ZBTB20: variants seen among roughly 807,000 people sequenced by gnomAD.
The protein encoded by ZBTB20 is zinc finger and BTB domain-containing protein 20.
A neutral mutation model predicts 56.9 loss-of-function variants in ZBTB20; 9 were observed. The observed-to-expected ratio is 0.16, with a 90% CI of 0.10 to 0.28. ZBTB20 has a LOEUF of 0.28. ZBTB20 is among the 10% of genes least tolerant of loss of function. The pLI is 1.00. For missense variants in ZBTB20, 655 were observed against 1,003.0 expected, an observed-to-expected ratio of 0.65 and a Z score of 4.69; for synonymous variants, 417 against 420.7, an observed-to-expected ratio of 0.99 and a Z score of 0.11.
At chr3:114,342,067 G>A (rs952212334) in intron 11 of ZBTB20, among the ~76,000 whole-genome samples, 1 of 152,204 alleles carries the variant, frequency 6.6e-6, no homozygotes, top group Admixed American at 6.5e-5. Flanking sequence ...TTAAGGTGCT[G>A]TGATGGTGAA....
intron 7 of ZBTB20, among the ~76,000 whole-genome samples, chr3:114,480,604 G>A (rs1216820662): frequency 6.6e-6 from 1 of 152,174 alleles, no homozygotes; most frequent in South Asian, 2.1e-4. Context: ...GGTCAGGTTT[G>A]AACTGAAGAA....
At chr3:114,425,385 C>A (rs569201638) in intron 7 of ZBTB20, among the ~76,000 whole-genome samples, 1 of 152,314 alleles carries the variant, frequency 6.6e-6, no homozygotes, top group South Asian at 2.1e-4. Flanking sequence ...CTGCTTACTT[C>A]GACCACATCT....
intron 1 of ZBTB20, among the ~76,000 whole-genome samples, chr3:115,110,025 C>T (rs2108623861): frequency 6.6e-6 from 1 of 152,228 alleles, no homozygotes; most frequent in East Asian, 1.9e-4. Context: ...GCCTGGCCAA[C>T]ATGGCGAAAC....
intron 5 of ZBTB20, among the ~76,000 whole-genome samples, chr3:114,769,422 C>CAT (rs1027523232): frequency 5.3e-5 from 8 of 150,824 alleles, no homozygotes; most frequent in Admixed American, 2.0e-4. Flanking sequence ...ACTATTCCAT[C>CAT]ATATATATAT....
intron 5 of ZBTB20, among the ~76,000 whole-genome samples, chr3:114,703,260 C>T (rs1351118756): frequency 5.9e-5 from 9 of 152,092 alleles, no homozygotes; most frequent in African/African-American, 9.7e-5. Context: ...AGGAGGAACA[C>T]GTATTCTGGT....
chr3:114,475,812 C>T (rs2040687538), intron 7 of ZBTB20, among the ~76,000 whole-genome samples: 1 of 152,058 alleles, frequency 6.6e-6, no homozygotes, highest in Non-Finnish European at 1.5e-5. Context: ...ACACCCTCAT[C>T]AATAGAAACA....
intron 6 of ZBTB20, among the ~76,000 whole-genome samples, chr3:114,562,928 T>C (rs925792937): frequency 2.0e-5 from 3 of 152,190 alleles, no homozygotes; most frequent in Non-Finnish European, 2.9e-5. Context: ...CAAAGATCAC[T>C]AATCACAAAT....
intron 7 of ZBTB20, among the ~76,000 whole-genome samples, chr3:114,393,278 A>C (rs2086047545): frequency 6.6e-6 from 1 of 152,236 alleles, no homozygotes; most frequent in Non-Finnish European, 1.5e-5. Flanking sequence ...TAAAATCATA[A>C]AGGAAATCAC....
chr3:114,999,400 T>A (rs1365389179), intron 2 of ZBTB20, among the ~76,000 whole-genome samples: 1 of 151,672 alleles, frequency 6.6e-6, no homozygotes, highest in African/African-American at 2.4e-5. Context: ...TGAGGGCACA[T>A]GTAAAAACTT....
At chr3:114,795,782 A>C (rs1023663390) in intron 5 of ZBTB20, among the ~76,000 whole-genome samples, 1 of 152,098 alleles carries the variant, frequency 6.6e-6, no homozygotes, top group African/African-American at 2.4e-5. Context: ...GAGACTATCA[A>C]TTTCATGATG....
At chr3:115,037,951 C>T (rs1480706272) in intron 2 of ZBTB20, among the ~76,000 whole-genome samples, 1 of 152,146 alleles carries the variant, frequency 6.6e-6, no homozygotes, top group Non-Finnish European at 1.5e-5. Flanking sequence ...TTTCCAAATA[C>T]CACAAATGAG....
chr3:114,826,346 TC>T (rs2073529667), intron 4 of ZBTB20, among the ~76,000 whole-genome samples: 1 of 151,580 alleles, frequency 6.6e-6, no homozygotes, highest in Admixed American at 6.6e-5. Context: ...GGCTGTAATC[TC>T]CCCCCACAAA....
intron 7 of ZBTB20, among the ~76,000 whole-genome samples, chr3:114,486,302 C>T (rs1370323471): frequency 6.6e-6 from 1 of 151,706 alleles, no homozygotes; most frequent in Non-Finnish European, 1.5e-5. Flanking sequence ...GCCTCTGTAC[C>T]CATTCTAGAT....
intron 4 of ZBTB20, among the ~76,000 whole-genome samples, chr3:114,871,543 T>C (rs1483250488): frequency 6.6e-6 from 1 of 152,114 alleles, no homozygotes; most frequent in Non-Finnish European, 1.5e-5. Context: ...AAAACACCAA[T>C]TATTCTCAAC....
At chr3:114,950,795 A>G (rs2077040653) in intron 3 of ZBTB20, among the ~76,000 whole-genome samples, 2 of 152,154 alleles carry the variant, frequency 1.3e-5, no homozygotes, top group Non-Finnish European at 2.9e-5. Context: ...AAGAGCTGAA[A>G]ATAATAATAA....
chr3:114,914,703 T>A (rs2075675866), intron 3 of ZBTB20, among the ~76,000 whole-genome samples: 1 of 151,978 alleles, frequency 6.6e-6, no homozygotes, highest in South Asian at 2.1e-4. Context: ...GTGGGTCTGT[T>A]GTATGTGGCT....
chr3:115,000,485 G>C (rs2079202538), intron 2 of ZBTB20, among the ~76,000 whole-genome samples: 1 of 151,182 alleles, frequency 6.6e-6, no homozygotes, highest in Non-Finnish European at 1.5e-5. Context: ...GTAATATTTT[G>C]AGTCCAGTTC....
At chr3:114,836,944 T>G (rs1185857438) in intron 4 of ZBTB20, among the ~76,000 whole-genome samples, 1 of 152,230 alleles carries the variant, frequency 6.6e-6, no homozygotes, top group African/African-American at 2.4e-5. Context: ...CTCCATTATC[T>G]GTTCATGACC....
chr3:114,617,708 G>T (rs2107734700), intron 6 of ZBTB20, among the ~76,000 whole-genome samples: 1 of 152,240 alleles, frequency 6.6e-6, no homozygotes, highest in African/African-American at 2.4e-5. Flanking sequence ...TACCCACTCA[G>T]ATTCTGCCAC....
Sources: allele counts gnomAD v4.1 joint callset (sites outside exome capture counted in the v4.1 genomes callset), GRCh38; gene constraint gnomAD v4.1.1; transcripts MANE v1.5; gene names NCBI Gene and HGNC (gene_info 2026-07-23, HGNC 2026-07-21).